The following MYO5B variants were observed in gnomAD, a reference collection of about 807,000 sequenced individuals.
MYO5B encodes the protein myosin VB.
In MYO5B, 143 loss-of-function variants were observed where a neutral mutation model predicts 229.3. That is an observed-to-expected ratio of 0.62 (90% confidence interval 0.54 to 0.72). The LOEUF (loss-of-function observed/expected upper bound fraction) is 0.72, where lower values mean the gene tolerates loss of function less well. MYO5B is among the 30% of genes least tolerant of loss of function. The pLI is 0.00. For synonymous variants in MYO5B, 918 were observed against 885.2 expected (o/e 1.04, Z -0.66); for missense variants, 2,321 against 2,331.0 (o/e 1.00, Z 0.09).
chr18:49,837,382 A>G, intron 37 of MYO5B, 135 bp downstream of exon 37: 4 of 1,105,350 alleles, frequency 3.6e-6, no homozygotes, highest in Non-Finnish European at 4.0e-6. Context: ...GATTTGAGTC[A>G]CAGACTGATG....
intron 1 of MYO5B, among the ~76,000 whole-genome samples, chr18:50,173,754 C>T (rs764688961): frequency 7.9e-5 from 12 of 152,074 alleles, no homozygotes; most frequent in Non-Finnish European, 1.6e-4. Flanking sequence ...GGGGGAGAAA[C>T]AGGAATAGCA....
intron 1 of MYO5B, among the ~76,000 whole-genome samples, chr18:50,120,005 G>A (rs2032031476): frequency 6.6e-6 from 1 of 152,096 alleles, no homozygotes; most frequent in South Asian, 2.1e-4. Context: ...TTAAAAAAAG[G>A]TCTAGCTTCT....
chr18:50,053,376 T>C (rs985231925), intron 2 of MYO5B, among the ~76,000 whole-genome samples: 3 of 152,208 alleles, frequency 2.0e-5, no homozygotes, highest in Non-Finnish European at 4.4e-5. Context: ...TGGGCGAGCA[T>C]CTGCTCTGTT....
chr18:49,958,050 C>T (rs2025516100), intron 12 of MYO5B, among the ~76,000 whole-genome samples: 1 of 152,152 alleles, frequency 6.6e-6, no homozygotes, highest in Non-Finnish European at 1.5e-5. Context: ...TTACAAAATA[C>T]CCCTCTGCAC....
intron 1 of MYO5B, among the ~76,000 whole-genome samples, chr18:50,129,759 T>G (rs2144544970): frequency 6.6e-6 from 1 of 152,016 alleles, no homozygotes; most frequent in East Asian, 1.9e-4. Flanking sequence ...TTTTCAAGAG[T>G]GCCAAAGTTC....
intron 6 of MYO5B, among the ~76,000 whole-genome samples, chr18:49,991,024 C>A (rs374318863): frequency 7.4e-6 from 1 of 134,676 alleles, no homozygotes. Flanking sequence ...GGCCTTACAC[C>A]GGTGGGGTGG....
chr18:49,917,267 TAC>T (rs1250362667), intron 17 of MYO5B, among the ~76,000 whole-genome samples: 1 of 152,178 alleles, frequency 6.6e-6, no homozygotes, highest in Non-Finnish European at 1.5e-5. Context: ...AGTTGCCAAT[TAC>T]AGTTTTAAAA....
chr18:50,029,923 C>G (rs1479186987), intron 4 of MYO5B, among the ~76,000 whole-genome samples: 1 of 152,174 alleles, frequency 6.6e-6, no homozygotes, highest in East Asian at 1.9e-4. Context: ...CACTGAAAAC[C>G]TGAGGCTCAA....
At chr18:49,992,149 T>C (rs2025940011) in intron 6 of MYO5B, 139 bp downstream of exon 6, 2 of 1,232,284 alleles carry the variant, frequency 1.6e-6, no homozygotes, top group Non-Finnish European at 2.4e-6. Flanking sequence ...TGATAAAAGA[T>C]AAGAACCAAA....
chr18:49,920,517 C>A (rs2025062493), intron 17 of MYO5B, among the ~76,000 whole-genome samples: 1 of 152,120 alleles, frequency 6.6e-6, no homozygotes, highest in Non-Finnish European at 1.5e-5. Flanking sequence ...TAGGGGAACA[C>A]AGACTCAGCC....
chr18:49,862,273 C>T (rs374532822), intron 29 of MYO5B, among the ~76,000 whole-genome samples: 74 of 152,286 alleles, frequency 4.9e-4, no homozygotes, highest in Middle Eastern at 6.8e-3. Flanking sequence ...GCTTAGATTA[C>T]AGGTGTGAGC....
At chr18:50,064,825 C>T (rs2030779097) in intron 1 of MYO5B, among the ~76,000 whole-genome samples, 1 of 152,184 alleles carries the variant, frequency 6.6e-6, no homozygotes, top group Non-Finnish European at 1.5e-5. Flanking sequence ...CATTCCTTGA[C>T]CTCTCTAAAC....
chr18:50,027,443 C>T (rs2026343412), intron 4 of MYO5B, among the ~76,000 whole-genome samples: 1 of 152,168 alleles, frequency 6.6e-6, no homozygotes, highest in South Asian at 2.1e-4. Flanking sequence ...TGCACACACA[C>T]ATGCCCTTGC....
intron 17 of MYO5B, among the ~76,000 whole-genome samples, chr18:49,926,216 T>C (rs1423904497): frequency 6.6e-6 from 1 of 152,248 alleles, no homozygotes; most frequent in African/African-American, 2.4e-5. Flanking sequence ...TGACAGCTCT[T>C]GTACTTTCCA....
chr18:50,167,151 C>A (rs1399926354), intron 1 of MYO5B, among the ~76,000 whole-genome samples: 1 of 152,196 alleles, frequency 6.6e-6, no homozygotes, highest in Non-Finnish European at 1.5e-5. Flanking sequence ...TGAACAAAGA[C>A]AAAAGAATCT....
intron 1 of MYO5B, among the ~76,000 whole-genome samples, chr18:50,184,656 T>C (rs1427107043): frequency 1.3e-5 from 2 of 152,268 alleles, no homozygotes; most frequent in African/African-American, 4.8e-5. Flanking sequence ...TCAGAACAAA[T>C]GAAGGGGAAA....
chr18:50,179,798 G>A (rs142217302), intron 1 of MYO5B, among the ~76,000 whole-genome samples: 19 of 152,186 alleles, frequency 1.2e-4, no homozygotes, highest in African/African-American at 4.1e-4. Context: ...GTTCCCGAAA[G>A]AGCCTCATCT....
intron 1 of MYO5B, among the ~76,000 whole-genome samples, chr18:50,128,263 A>T (rs1486134880): frequency 6.6e-6 from 1 of 150,682 alleles, no homozygotes; most frequent in Non-Finnish European, 1.5e-5. Flanking sequence ...AAAAGCGAAG[A>T]TGTGAAAAAA....
chr18:49,830,172 A>ACACACACAC (rs1555792655), intron 39 of MYO5B, among the ~76,000 whole-genome samples: 5 of 97,200 alleles, frequency 5.1e-5, no homozygotes, highest in Non-Finnish European at 1.2e-4. Context: ...CACACACACA[A>ACACACACAC]ATATTGCTAG....
Sources: allele counts gnomAD v4.1 joint callset (sites outside exome capture counted in the v4.1 genomes callset), GRCh38; gene constraint gnomAD v4.1.1; transcripts MANE v1.5; gene names NCBI Gene and HGNC (gene_info 2026-07-23, HGNC 2026-07-21).